Variants in CDKN2B-AS1 observed in about 807,000 individuals in gnomAD.
CDKN2B-AS1 encodes the protein CDKN2B antisense RNA 1 (non-protein coding).
chr9:22,003,559 C>T, intron 1 of CDKN2B-AS1: 1 of 229,076 alleles, frequency 4.4e-6, no homozygotes, highest in Non-Finnish European at 8.7e-6. Flanking sequence ...AAAGTATCAA[C>T]TGACTTCTTT....
chr9:22,125,000 T>A (rs1817995965), intron 4 of CDKN2B-AS1, among the ~76,000 whole-genome samples: 1 of 152,236 alleles, frequency 6.6e-6, no homozygotes, highest in African/African-American at 2.4e-5. Flanking sequence ...CAGACCTAGT[T>A]TCTCTCTCAG....
intron 4 of CDKN2B-AS1, chr9:22,120,268 A>G (rs2131376326): frequency 6.6e-6 from 1 of 152,334 alleles, no homozygotes; most frequent in East Asian, 1.9e-4. Flanking sequence ...GCTTTCTGCT[A>G]CATGGAGGCT....
Position 22,001,992 on chromosome 9 carries a change from C to T in CDKN2B-AS1, n.29+6831C>T, listed in dbSNP as rs942189623. 2.0e-5 allele frequency among the ~76,000 whole-genome samples: 3 copies of T among 151,874 alleles called. No individual in the cohort carries two copies. The highest frequency in any genetic ancestry group is 4.4e-5 in the Non-Finnish European group (3 of 67,888). On this transcript the variant is annotated intron_variant and non_coding_transcript_variant, in intron 1 of 4. Coordinates refer to ENST00000650946, the Ensembl canonical transcript of CDKN2B-AS1. The surrounding 1 kb of genome is among the most constrained non-coding windows in gnomAD (Gnocchi z 4.2). ...AGTATTGAGGCTCAACTGTTGTTGC[C>T]CCTTTAAGTAATTTCTAAAATTAAA...
At position 22,005,918 on chromosome 9, in the gene CDKN2B-AS1, AT is replaced by A; in HGVS notation, n.29+10759del. The A allele has an allele frequency of 6.5e-7, 1 of 1,548,372 alleles. No individual in the cohort carries two copies. ...GCTCCCCGTTGGCAGCCTTCATCGAATTAGGTGGGTGGGGGTGGGAAATTGG... is the reference window on the plus strand; with the variant it reads ...GCTCCCCGTTGGCAGCCTTCATCGAATAGGTGGGTGGGGGTGGGAAATTGG... On this transcript the variant is annotated intron_variant and non_coding_transcript_variant, in intron 1 of 4. Transcript: ENST00000650946. The surrounding 1 kb of genome is among the most constrained non-coding windows in gnomAD (Gnocchi z 4.9).
At chr9:22,090,543 C>T (rs571538382) in intron 4 of CDKN2B-AS1, among the ~76,000 whole-genome samples, 97 of 152,274 alleles carry the variant, frequency 6.4e-4, no homozygotes, top group African/African-American at 2.0e-3. Context: ...GATGGTATCT[C>T]ATTGTGGTTT....
chr9:22,126,331 AG>A (rs1175274167), intron 4 of CDKN2B-AS1, among the ~76,000 whole-genome samples: 2 of 152,142 alleles, frequency 1.3e-5, no homozygotes, highest in East Asian at 3.9e-4. Flanking sequence ...ATAAAATGAG[AG>A]GTCTATCATA....
At chr9:22,050,840 A>T (rs913792472) in intron 3 of CDKN2B-AS1, among the ~76,000 whole-genome samples, 2 of 152,204 alleles carry the variant, frequency 1.3e-5, no homozygotes, top group Non-Finnish European at 1.5e-5. Context: ...CCCTTCAAAT[A>T]GTTCACCTCA....
intron 1 of CDKN2B-AS1, among the ~76,000 whole-genome samples, chr9:22,022,343 G>A (rs1217299371): frequency 2.0e-5 from 3 of 151,538 alleles, no homozygotes; most frequent in Middle Eastern, 3.2e-3. Flanking sequence ...TTCCTGTGTT[G>A]GGTGTATATA....
At chr9:22,046,415 G>T (rs1374626217) in intron 1 of CDKN2B-AS1, 1 of 152,064 alleles carries the variant, frequency 6.6e-6, no homozygotes, top group East Asian at 1.9e-4. Flanking sequence ...CTTAACCACT[G>T]GACTACCTGC....
chr9:22,009,282 T>G, intron 1 of CDKN2B-AS1: 1 of 481,692 alleles, frequency 2.1e-6, no homozygotes, highest in East Asian at 3.9e-5. Context: ...GAGTCCTCAC[T>G]GCCCCGCCTC....
chr9:22,015,888 G>C (rs959444039), intron 1 of CDKN2B-AS1, among the ~76,000 whole-genome samples: 1 of 152,106 alleles, frequency 6.6e-6, no homozygotes, highest in African/African-American at 2.4e-5. Flanking sequence ...CTGCATAAAT[G>C]TCTTCTTTTG....
intron 4 of CDKN2B-AS1, among the ~76,000 whole-genome samples, chr9:22,085,789 G>C (rs941823316): frequency 2.0e-5 from 3 of 150,046 alleles, no homozygotes; most frequent in African/African-American, 7.4e-5. Flanking sequence ...ACTGATCCTT[G>C]ACCTCCCTCC....
chr9:22,099,054 A>G (rs777074394), intron 4 of CDKN2B-AS1, among the ~76,000 whole-genome samples: 1 of 152,242 alleles, frequency 6.6e-6, no homozygotes, highest in East Asian at 1.9e-4. Flanking sequence ...CAGAAAGGAC[A>G]TTTAATTGAA....
intron 1 of CDKN2B-AS1, among the ~76,000 whole-genome samples, chr9:22,015,190 C>A (rs1186584604): frequency 6.6e-6 from 1 of 152,196 alleles, no homozygotes; most frequent in African/African-American, 2.4e-5. Flanking sequence ...GCCACACTGA[C>A]TTCCACAATG....
At chr9:22,036,093 T>A (rs1822677875) in intron 1 of CDKN2B-AS1, among the ~76,000 whole-genome samples, 1 of 152,104 alleles carries the variant, frequency 6.6e-6, no homozygotes, top group Non-Finnish European at 1.5e-5. Flanking sequence ...TTTCTTATCA[T>A]GAAGAATAAA....
chr9:22,089,263 G>C (rs1321703913), intron 4 of CDKN2B-AS1, among the ~76,000 whole-genome samples: 1 of 152,130 alleles, frequency 6.6e-6, no homozygotes, highest in East Asian at 1.9e-4. Context: ...GCAAATTTCA[G>C]TGGATACTTG....
rs2131164044 is a variant in CDKN2B-AS1 at position 21,999,553 on chromosome 9, A to G, written n.29+4392A>G. Among the ~76,000 whole-genome samples the G allele has an allele frequency of 6.6e-6, 1 of 152,206 alleles. No homozygotes were observed. The highest frequency in any genetic ancestry group is 2.4e-5 in the African/African-American group (1 of 41,566). The stretch of plus-strand genomic sequence containing the variant: ...TATGGATACATATGTATATATGGAT[A>G]GATTTTACACCTACAGACACATTTA... On this transcript the variant is annotated intron_variant and non_coding_transcript_variant, in intron 1 of 4. Transcript: ENST00000650946. This position sits in a 1 kb window ranked among gnomAD's most constrained non-coding sequence, Gnocchi z 4.7.
At chr9:22,123,729 G>A (rs796468425) in intron 4 of CDKN2B-AS1, among the ~76,000 whole-genome samples, 3 of 152,288 alleles carry the variant, frequency 2.0e-5, no homozygotes, top group African/African-American at 4.8e-5. Context: ...CTGTTATGTG[G>A]TAAAGGGATT....
intron 4 of CDKN2B-AS1, among the ~76,000 whole-genome samples, chr9:22,113,193 G>A (rs542601784): frequency 2.0e-5 from 3 of 152,310 alleles, no homozygotes; most frequent in Admixed American, 6.5e-5. Context: ...ATCAATGGGA[G>A]CTGCAGTTCT....
Sources: allele counts gnomAD v4.1 joint callset (sites outside exome capture counted in the v4.1 genomes callset), GRCh38; gene constraint gnomAD v4.1.1; non-coding constraint Gnocchi (gnomAD v3.1); transcripts MANE v1.5; gene names NCBI Gene and HGNC (gene_info 2026-07-23, HGNC 2026-07-21).